The following MGAM2 variants were observed in gnomAD, a reference collection of about 807,000 sequenced individuals.
MGAM2 encodes the protein probable maltase-glucoamylase 2.
A neutral mutation model predicts 96.1 loss-of-function variants in MGAM2; 98 were observed. The observed-to-expected ratio is 1.02, with a 90% CI of 0.87 to 1.21. MGAM2 has a LOEUF of 1.21. Ranked by LOEUF, MGAM2 falls within the 50% of genes most tolerant of loss-of-function variation. The pLI is 0.00. For missense variants in MGAM2, 2,055 were observed against 1,182.4 expected (o/e 1.74, Z -10.82); for synonymous variants, 749 against 414.8 (o/e 1.81, Z -9.79).
At chr7:142,132,607 A>C (rs1794926962) in intron 6 of MGAM2, among the ~76,000 whole-genome samples, 1 of 129,462 alleles carries the variant, frequency 7.7e-6, no homozygotes, top group African/African-American at 3.0e-5. Context: ...TATATATTTA[A>C]TACATAATTT....
intron 46 of MGAM2, among the ~76,000 whole-genome samples, chr7:142,215,408 G>C (rs1490827841): frequency 1.3e-5 from 2 of 149,568 alleles, no homozygotes; most frequent in Non-Finnish European, 3.0e-5. Flanking sequence ...GTATACCTAT[G>C]TAACAAACCT....
chr7:142,135,502 A>T (rs1795030911), intron 7 of MGAM2, among the ~76,000 whole-genome samples: 1 of 151,890 alleles, frequency 6.6e-6, no homozygotes, highest in Non-Finnish European at 1.5e-5. Flanking sequence ...GTGTGATGCC[A>T]TTAGTTTTCC....
In MGAM2 at chr7:142,172,746, A is replaced by G. The variant is rs1400859156; in HGVS notation, c.3543A>G (p.Val1181=). ...YIVLGPTPEL[V]TQQYTELIGR... ...TTTTGGGGCCAACCCCTGAACTTGT[A>G]ACTCAGCAATACACAGAGGTTAGAA... The change falls in exon 30 of 48, where the codon GTA becomes GTG. Residue 1181 remains valine, a synonymous_variant. Transcript: ENST00000477922. 2 of 702,754 alleles carry G rather than the reference A, an allele frequency of 2.8e-6. No individual in the cohort carries two copies. The highest frequency in any genetic ancestry group is 5.2e-6 in the Non-Finnish European group (2 of 384,984). 43.5% of individuals were successfully genotyped at this position (702,754 alleles called of 1,614,324 possible).
chr7:142,216,381 C>T (rs1281834819), intron 46 of MGAM2, among the ~76,000 whole-genome samples: 3 of 151,988 alleles, frequency 2.0e-5, no homozygotes, highest in Non-Finnish European at 4.4e-5. Context: ...CATTAGATTG[C>T]CCTTTAATAA....
intron 40 of MGAM2, 38 bp from the exon 41 acceptor site, chr7:142,197,362 G>A: frequency 1.4e-6 from 1 of 698,286 alleles, no homozygotes; most frequent in East Asian, 2.7e-5. Flanking sequence ...ATGGAATGAA[G>A]AAGAGGTGAT....
chr7:142,201,468 T>G (rs1350290925), intron 45 of MGAM2, among the ~76,000 whole-genome samples: 6 of 152,198 alleles, frequency 3.9e-5, no homozygotes, highest in Non-Finnish European at 8.8e-5. Flanking sequence ...TAATCAACTT[T>G]AAAAAAGTTG....
intron 3 of MGAM2, among the ~76,000 whole-genome samples, chr7:142,123,278 G>A (rs1358403207): frequency 6.7e-6 from 1 of 150,238 alleles, no homozygotes; most frequent in Non-Finnish European, 1.5e-5. Context: ...TCAAATTTTT[G>A]GGTATCTTCG....
rs1796061893 is a variant in MGAM2 at position 142,167,438 on chromosome 7, C to T, written c.2979C>T (p.Phe993=). 3 of 702,926 alleles carry T rather than the reference C, an allele frequency of 4.3e-6. No individual in the cohort carries two copies. 43.5% of individuals were successfully genotyped at this position (702,926 alleles called of 1,614,324 possible). The change falls in exon 26 of 48, where the codon TTC becomes TTT. Residue 993 remains phenylalanine (F), a synonymous_variant. Coordinates refer to ENST00000477922, the MANE Select transcript of MGAM2 (RefSeq NM_001293626.2). ...ASDSLSAKIS[F]LHLKVIYHTA... The stretch of plus-strand genomic sequence containing the variant: ...ATTCTCTCTCTGCAAAGATCAGCTT[C>T]CTCCACCTGAAAGTGATCTATCACA...
intron 2 of MGAM2, 76 bp from the exon 3 acceptor site, chr7:142,120,226 G>A: frequency 1.5e-6 from 1 of 685,916 alleles, no homozygotes; most frequent in South Asian, 1.5e-5. Context: ...CCAAAAGTCT[G>A]TAACTTTGCT....
intron 7 of MGAM2, among the ~76,000 whole-genome samples, chr7:142,134,750 T>C (rs1453373310): frequency 6.6e-6 from 1 of 151,024 alleles, no homozygotes; most frequent in Admixed American, 6.6e-5. Flanking sequence ...GCCTCTCAGC[T>C]TATCTGGAGT....
At chr7:142,147,076 C>T (rs1180739473) in intron 14 of MGAM2, among the ~76,000 whole-genome samples, 2 of 152,132 alleles carry the variant, frequency 1.3e-5, no homozygotes, top group Non-Finnish European at 2.9e-5. Flanking sequence ...AAAAAGTTCC[C>T]TTTCTCTGCC....
chr7:142,219,955 C>T lies in MGAM2; in HGVS notation c.5444C>T (p.Pro1815Leu), dbSNP rs1329528466. Residue 1815 changes from proline (P) to leucine (L), a missense_variant, in exon 48 of 48, where the codon CCT becomes CTT. Coordinates refer to ENST00000477922, the MANE Select transcript of MGAM2 (RefSeq NM_001293626.2). Reference sequence around the variant, plus strand: ...TGGATTGATGGTGGTCCTGTACTTCCTACTCCAACTAAGACAAGTACCATC... The same window carrying T: ...TGGATTGATGGTGGTCCTGTACTTCTTACTCCAACTAAGACAAGTACCATC... ...VTWIDGGPVLPTPTKTSTIPM... is the reference protein window; with the variant it reads ...VTWIDGGPVLLTPTKTSTIPM... 2.8e-6 allele frequency: 2 copies of T among 702,822 alleles called. No individual in the cohort carries two copies. The highest frequency in any genetic ancestry group is 5.2e-6 in the Non-Finnish European group (2 of 384,878). The allele number at this position is 702,822 out of a possible 1,614,324, so 43.5% of individuals were successfully genotyped here. A position where few individuals can be genotyped will look rare whatever the true frequency, so the allele number is the denominator to read the frequency against.
chr7:142,173,099 T>G, intron 30 of MGAM2, 130 bp from the exon 31 acceptor site: 2 of 558,294 alleles, frequency 3.6e-6, no homozygotes, highest in Non-Finnish European at 6.4e-6. Flanking sequence ...TTTGTTGGAC[T>G]TTCTTATCTT....
At chr7:142,116,396 C>T (rs1289971504) in intron 1 of MGAM2, among the ~76,000 whole-genome samples, 3 of 152,176 alleles carry the variant, frequency 2.0e-5, no homozygotes, top group East Asian at 1.9e-4. Context: ...TTTAAACAGT[C>T]TCAACAGTGA....
intron 32 of MGAM2, among the ~76,000 whole-genome samples, chr7:142,176,251 A>G (rs1244204792): frequency 6.6e-6 from 1 of 152,140 alleles, no homozygotes; most frequent in Non-Finnish European, 1.5e-5. Flanking sequence ...TTTCTTCCTA[A>G]ACTTACAAAC....
intron 2 of MGAM2, among the ~76,000 whole-genome samples, chr7:142,119,066 T>C (rs1394021802): frequency 2.0e-5 from 3 of 152,118 alleles, no homozygotes; most frequent in Non-Finnish European, 4.4e-5. Flanking sequence ...TGAAAAACAA[T>C]CCACAGATTC....
rs937654142 is a variant in MGAM2, at chr7:142,186,004, G to A, written c.4003G>A (p.Val1335Ile). The A allele has an allele frequency of 3.0e-5, 21 of 703,486 alleles. No homozygotes were observed. The highest frequency in any genetic ancestry group is 4.0e-5 in the Admixed American group (2 of 50,022). 43.6% of individuals were successfully genotyped at this position (703,486 alleles called of 1,614,324 possible). A position where few individuals can be genotyped will look rare whatever the true frequency, so the allele number is the denominator to read the frequency against. ...ETQVKLYRAY[V>I]AFPDFFRNST... ...ATTCTTACAGCTTTACAGGGCCTAC[G>A]TTGCCTTTCCTGACTTCTTTCGTAA... The change falls in exon 35 of 48, where the codon GTT (valine) becomes ATT (isoleucine). Residue 1335 changes from valine (V) to isoleucine (I), a missense_variant. Physicochemically the swap from Val to Ile is conservative, Grantham distance 29. Coordinates refer to ENST00000477922, the MANE Select transcript of MGAM2 (RefSeq NM_001293626.2).
Position 142,120,309 on chromosome 7 carries a change from A to G in MGAM2, c.114A>G (p.Ser38=), listed in dbSNP as rs184044687. The G allele has an allele frequency of 5.5e-5, 39 of 703,094 alleles. No homozygotes were observed. The East Asian group carries it at 9.1e-4, about 16-fold the overall frequency. 43.6% of individuals were successfully genotyped at this position (703,094 alleles called of 1,614,324 possible). A position where few individuals can be genotyped will look rare whatever the true frequency, so the allele number is the denominator to read the frequency against. The part of the protein sequence containing the change: ...LLVLEETSDT[S]FTPECPEIPQ... ...CCTTTAATTCCTATGCAGATACTTC[A>G]TTTACTCCAGAGTGCCCAGAGATTC... Residue 38 remains serine (S), a synonymous_variant, in exon 3 of 48, where the codon TCA becomes TCG. Transcript: ENST00000477922.
At chr7:142,212,164 T>C (rs1797605962) in intron 46 of MGAM2, among the ~76,000 whole-genome samples, 1 of 152,222 alleles carries the variant, frequency 6.6e-6, no homozygotes, top group East Asian at 1.9e-4. Flanking sequence ...AGGGATTTGG[T>C]CACCACTAGG....
Sources: gnomAD v4.1 joint callset for allele counts (sites outside exome capture counted in the v4.1 genomes callset) on GRCh38, gnomAD v4.1.1 for gene constraint, MANE v1.5 for transcripts, NCBI Gene and HGNC (gene_info 2026-07-23, HGNC 2026-07-21) for gene names.